The following UNC79 variants were observed in gnomAD, a reference collection of about 807,000 sequenced individuals.
The protein encoded by UNC79 is protein unc-79 homolog.
A neutral mutation model predicts 283.1 loss-of-function variants in UNC79; 37 were observed. That is an observed-to-expected ratio of 0.13 (90% CI 0.10 to 0.17). UNC79 has a LOEUF of 0.17. Among genes scored for constraint, UNC79 ranks in the 10% least tolerant of loss-of-function variants. UNC79 has a pLI of 1.00. For missense variants in UNC79, 2,272 were observed against 3,211.1 expected, an observed-to-expected ratio of 0.71 and a Z score of 7.07; for synonymous variants, 1,107 against 1,200.2, an observed-to-expected ratio of 0.92 and a Z score of 1.61.
At chr14:93,411,003 T>C (rs1273772657) in intron 1 of UNC79, among the ~76,000 whole-genome samples, 1 of 152,088 alleles carries the variant, frequency 6.6e-6, no homozygotes, top group Non-Finnish European at 1.5e-5. Context: ...CCAAGCAGGC[T>C]CTTGGGGTCC....
chr14:93,472,427 T>C (rs2057558538), intron 2 of UNC79, among the ~76,000 whole-genome samples: 1 of 151,282 alleles, frequency 6.6e-6, no homozygotes, highest in South Asian at 2.1e-4. Context: ...GCTTACAAAG[T>C]CAAATACATC....
chr14:93,409,891 G>A (rs963580072), intron 1 of UNC79, among the ~76,000 whole-genome samples: 6 of 152,108 alleles, frequency 3.9e-5, no homozygotes, highest in Admixed American at 2.0e-4. Context: ...ATGAGTAGAA[G>A]GGGTGGAGTA....
Position 93,635,234 on chromosome 14 carries a change from C to G in UNC79, c.5717-1982C>G, listed in dbSNP as rs201689804. Among the ~76,000 whole-genome samples, 8 of 152,310 alleles carry G rather than the reference C, an allele frequency of 5.3e-5. No homozygotes were observed. In the East Asian group the frequency reaches 1.5e-3, roughly 29 times the overall value. ...ACATGATCACTCTGCATTTTCTAAA[C>G]TTTGTTACCACGTTTTGTACGTGTA... On this transcript the variant is annotated intron_variant, in intron 31 of 48. Transcript: ENST00000555664.
intron 48 of UNC79, among the ~76,000 whole-genome samples, 184 bp from the exon 52 acceptor site, chr14:93,706,520 G>A (rs148022255): frequency 2.0e-5 from 3 of 152,118 alleles, no homozygotes; most frequent in Non-Finnish European, 4.4e-5. Flanking sequence ...GGGCCAGGAC[G>A]ACTCTAGAAA....
At chr14:93,488,199 A>G (rs1226519700) in intron 5 of UNC79, among the ~76,000 whole-genome samples, 1 of 152,232 alleles carries the variant, frequency 6.6e-6, no homozygotes, top group Non-Finnish European at 1.5e-5. Flanking sequence ...AGGACTTGAG[A>G]AATTTTCAAT....
chr14:93,657,313 G>A (rs190396320), intron 38 of UNC79, among the ~76,000 whole-genome samples: 58 of 151,984 alleles, frequency 3.8e-4, no homozygotes, highest in African/African-American at 1.3e-3. Flanking sequence ...CTAAAGAGCC[G>A]CACAGGCTAA....
At chr14:93,350,890 A>C (rs2053969202) in intron 1 of UNC79, among the ~76,000 whole-genome samples, 1 of 152,224 alleles carries the variant, frequency 6.6e-6, no homozygotes, top group Non-Finnish European at 1.5e-5. Flanking sequence ...CAAAGTCTAA[A>C]AAAGCAATGT....
chr14:93,582,264 C>G, exon 20 of UNC79: 2 of 1,614,174 alleles, frequency 1.2e-6, no homozygotes, highest in Non-Finnish European at 1.7e-6. Flanking sequence ...ATCATAGGCC[C>G]TGAAGGGGAG....
intron 14 of UNC79, among the ~76,000 whole-genome samples, chr14:93,566,361 C>A (rs1184592904): frequency 6.6e-6 from 1 of 152,170 alleles, no homozygotes; most frequent in Non-Finnish European, 1.5e-5. Context: ...AATCCTCCCA[C>A]TGGTTTTCTA....
rs977050515 is a variant in UNC79 at position 93,474,610 on chromosome 14, G to A, written c.448+217G>A. ...AGGGATGTTATCCAAGTGGAGTATT[G>A]GGGGAGAATGGGGCTGGAGAAAGGA... On this transcript the variant is annotated intron_variant, in intron 3 of 48. Transcript: ENST00000555664. The surrounding 1 kb of genome is among the most constrained non-coding windows in gnomAD (Gnocchi z 4.1). Among the ~76,000 whole-genome samples the A allele has an allele frequency of 2.6e-5, 4 of 152,102 alleles. No individual in the cohort carries two copies. Among genetic ancestry groups the A allele is most frequent in the Admixed American group, 1.3e-4 (2 of 15,258 alleles).
chr14:93,469,791 A>G (rs1353637900), intron 2 of UNC79, among the ~76,000 whole-genome samples: 1 of 152,070 alleles, frequency 6.6e-6, no homozygotes, highest in Non-Finnish European at 1.5e-5. Flanking sequence ...CTGAGGGAGG[A>G]GGACTGCTTG....
chr14:93,544,397 T>G (rs560352148), intron 14 of UNC79, among the ~76,000 whole-genome samples: 4 of 152,296 alleles, frequency 2.6e-5, no homozygotes, highest in Admixed American at 2.6e-4. Flanking sequence ...AACTGGGCTA[T>G]CTCCACAGCA....
chr14:93,409,947 A>T (rs779372786), intron 1 of UNC79, among the ~76,000 whole-genome samples: 16 of 152,234 alleles, frequency 1.1e-4, no homozygotes, highest in Non-Finnish European at 1.8e-4. Context: ...CAATAAAGAC[A>T]CCAATTTAAC....
intron 1 of UNC79, among the ~76,000 whole-genome samples, chr14:93,422,779 G>A (rs2055627834): frequency 6.6e-6 from 1 of 152,028 alleles, no homozygotes; most frequent in Admixed American, 6.6e-5. Context: ...AAGAAATCAA[G>A]GCCAGGCTTG....
intron 1 of UNC79, among the ~76,000 whole-genome samples, chr14:93,396,472 T>G (rs2055000335): frequency 6.6e-6 from 1 of 152,144 alleles, no homozygotes; most frequent in Non-Finnish European, 1.5e-5. Context: ...GGCCCATACT[T>G]TCTTATTTTT....
intron 30 of UNC79, among the ~76,000 whole-genome samples, chr14:93,623,542 T>C (rs1167136112): frequency 6.6e-6 from 1 of 152,248 alleles, no homozygotes; most frequent in Non-Finnish European, 1.5e-5. Flanking sequence ...CAGTCTTCTG[T>C]AATGTTACCG....
At chr14:93,415,327 A>G (rs2055429664) in intron 1 of UNC79, among the ~76,000 whole-genome samples, 1 of 152,114 alleles carries the variant, frequency 6.6e-6, no homozygotes, top group Non-Finnish European at 1.5e-5. Flanking sequence ...ACATGTATTG[A>G]TTTGTGTATA....
chr14:93,532,769 C>G (rs1354928498), intron 11 of UNC79, among the ~76,000 whole-genome samples, 191 bp downstream of exon 11: 1 of 152,172 alleles, frequency 6.6e-6, no homozygotes, highest in African/African-American at 2.4e-5. Flanking sequence ...TCCATTTCTG[C>G]TTTTGCTCAC....
chr14:93,500,235 A>G (rs559197519), intron 7 of UNC79, among the ~76,000 whole-genome samples: 1 of 152,300 alleles, frequency 6.6e-6, no homozygotes, highest in East Asian at 1.9e-4. Context: ...GCCTATGCCC[A>G]CTACAACCAG....
Sources: allele counts gnomAD v4.1 joint callset (sites outside exome capture counted in the v4.1 genomes callset), GRCh38; gene constraint gnomAD v4.1.1; non-coding constraint Gnocchi (gnomAD v3.1); transcripts MANE v1.5; gene names NCBI Gene and HGNC (gene_info 2026-07-23, HGNC 2026-07-21).